Variants in AATK observed in about 807,000 individuals in gnomAD.
The protein encoded by AATK is lemur tail kinase 1.
A neutral mutation model predicts 114.3 loss-of-function variants in AATK; 91 were observed. The observed-to-expected ratio is 0.80, with a 90% CI of 0.67 to 0.95. The LOEUF (loss-of-function observed/expected upper bound fraction) is 0.95. Ranked by LOEUF, AATK falls within the 40% of genes least tolerant of loss-of-function variation. The pLI, the probability that AATK is intolerant of heterozygous loss-of-function variation, is 0.00. For synonymous variants in AATK, 1,075 were observed against 916.5 expected, an observed-to-expected ratio of 1.17 and a Z score of -3.12; for missense variants, 2,176 against 1,965.2, an observed-to-expected ratio of 1.11 and a Z score of -2.03.
chr17:81,165,937 C>A lies in AATK; in HGVS notation c.55+1G>T. 6.3e-7 allele frequency: 1 copy of A among 1,580,212 alleles called. No individual in the cohort carries two copies. Among genetic ancestry groups the A allele is most frequent in the Non-Finnish European group, 8.6e-7 (1 of 1,164,772 alleles). ...CGCAGGCCGGGCCGCCAGGGACTCA[C>A]CGGGGTCGAAGTGCGAGCTGAAGGC... On this transcript the variant is annotated splice_donor_variant, in intron 1 of 13. Transcript: ENST00000326724. LOFTEE classifies it high-confidence loss of function.
intron 1 of AATK, chr17:81,160,439 G>C (rs976865217): frequency 5.9e-6 from 1 of 168,894 alleles, no homozygotes; most frequent in Non-Finnish European, 1.2e-5. Flanking sequence ...AACTGGCTCC[G>C]GCCCCGTCCG....
rs747069731 is a variant in AATK at position 81,126,558 on chromosome 17, C to T, written c.624G>A (p.Gly208=). Residue 208 remains glycine, a splice_region_variant and synonymous_variant, in exon 7 of 14, where the codon GGG becomes GGA. Coordinates refer to ENST00000326724, the MANE Select transcript of AATK (RefSeq NM_001080395.3). The surrounding 1 kb of genome is among the most constrained non-coding windows in gnomAD (Gnocchi z 5.1). The stretch of plus-strand genomic sequence containing the variant: ...AGCTCCGCAGGTAGCCCTTGAGGTC[C>T]CCCTGCAGAAAGGGGGTGTGGCGCA... ...YLLVMEFCPL[G]DLKGYLRSCR... is the part of the protein sequence containing the mutation. 7.1e-6 allele frequency: 11 copies of T among 1,539,780 alleles called. No individual in the cohort carries two copies. Among genetic ancestry groups the T allele is most frequent in the East Asian group, 2.5e-5 (1 of 40,532 alleles).
intron 13 of AATK, 136 bp from the exon 14 acceptor site, chr17:81,118,578 A>G: frequency 1.1e-6 from 1 of 884,616 alleles, no homozygotes; most frequent in South Asian, 1.6e-5. Flanking sequence ...GGCTGTGTCT[A>G]GGTGAGAGAT....
At chr17:81,137,595 C>A (rs9900420) in intron 1 of AATK, among the ~76,000 whole-genome samples, 79,719 of 152,026 alleles carry the variant, frequency 0.52, 22,782 homozygotes, top group East Asian at 0.87. Context: ...AGGCTCTGAC[C>A]CCAGATGCCA....
intron 3 of AATK, among the ~76,000 whole-genome samples, chr17:81,130,214 C>G (rs1157917177): frequency 6.6e-6 from 1 of 152,240 alleles, no homozygotes; most frequent in Admixed American, 6.5e-5. Flanking sequence ...CCTGATACCC[C>G]TCCTGCCTCT....
rs2060834714 is a variant in AATK, at chr17:81,126,794, C to T, written c.622-234G>A. 7.3e-7 allele frequency: 1 copy of T among 1,376,136 alleles called. No homozygotes were observed. Among genetic ancestry groups the T allele is most frequent in the Non-Finnish European group, 9.4e-7 (1 of 1,065,190 alleles). The allele number at this position is 1,376,136 out of a possible 1,614,324, so 85.2% of individuals were successfully genotyped here. A position where few individuals can be genotyped will look rare whatever the true frequency, so the allele number is the denominator to read the frequency against. ...TCCTCTCCACTGCCCCTCAGCCAGC[C>T]CCGGGCAGCAGGAGTCCCTTGGCCT... On this transcript the variant is annotated intron_variant, in intron 6 of 13. Transcript: ENST00000326724. The surrounding 1 kb of genome is among the most constrained non-coding windows in gnomAD (Gnocchi z 5.1).
rs577890591 is a variant in AATK at position 81,128,466 on chromosome 17, G to A, written c.414+4C>T. 102 of 1,548,764 alleles carry A rather than the reference G, an allele frequency of 6.6e-5. 1 individual carries two copies. The highest frequency in any genetic ancestry group is 2.2e-4 in the Middle Eastern group (1 of 4,482). ...GAGTCCTCCCTCCCAGGCGGGACAC[G>A]TACCTTCCCGAACCAGCCACGGCCG... On this transcript the variant is annotated splice_donor_region_variant and intron_variant, in intron 4 of 13. Transcript: ENST00000326724.
At chr17:81,145,462 G>A (rs1452526422) in intron 1 of AATK, among the ~76,000 whole-genome samples, 1 of 152,154 alleles carries the variant, frequency 6.6e-6, no homozygotes, top group Non-Finnish European at 1.5e-5. Flanking sequence ...GCTGGGCACA[G>A]TGGCTCACGC....
At chr17:81,125,399 G>A in intron 7 of AATK, 1 of 519,306 alleles carries the variant, frequency 1.9e-6, no homozygotes, top group Non-Finnish European at 4.0e-6. Flanking sequence ...CCCAGGAGGT[G>A]GGAATTGATG....
chr17:81,128,858 A>G, intron 3 of AATK: 2 of 1,187,064 alleles, frequency 1.7e-6, no homozygotes, highest in Non-Finnish European at 2.1e-6. Context: ...TCGACCCGTC[A>G]CATGGGCTGC....
At position 81,126,729 on chromosome 17, in the gene AATK, G is replaced by C; in HGVS notation, c.622-169C>G. The C allele has an allele frequency of 7.0e-7, 1 of 1,419,098 alleles. No homozygotes were observed. The highest frequency in any genetic ancestry group is 9.2e-7 in the Non-Finnish European group (1 of 1,088,368). 87.9% of individuals were successfully genotyped at this position (1,419,098 alleles called of 1,614,324 possible). ...TGGCCAGCACCCAGCAGTTCCTGGA[G>C]GGGGGCCGTGTCCCCCAGGGCTGGG... is the stretch of plus-strand genomic sequence containing the variant. On this transcript the variant is annotated intron_variant, in intron 6 of 13. Transcript: ENST00000326724. The surrounding 1 kb of genome is among the most constrained non-coding windows in gnomAD (Gnocchi z 5.1).
At chr17:81,143,617 G>A (rs892776466) in intron 1 of AATK, among the ~76,000 whole-genome samples, 2 of 150,958 alleles carry the variant, frequency 1.3e-5, no homozygotes, top group East Asian at 1.9e-4. Context: ...CAGCCTCCTC[G>A]ACCCCTCTGG....
chr17:81,166,103 C>A lies in AATK; in HGVS notation c.-111G>T, dbSNP rs1314041247. The stretch of plus-strand genomic sequence containing the variant: ...GCGGCCGCCGCAGGTGCGGAGCGCG[C>A]CGGCCCCCGCGCCCCGCGCCCCCCG... On this transcript the variant is annotated 5_prime_UTR_variant, in exon 1 of 14. Transcript: ENST00000326724. The A allele has an allele frequency of 1.7e-6, 1 of 577,240 alleles. No individual in the cohort carries two copies. The highest frequency in any genetic ancestry group is 2.1e-5 in the African/African-American group (1 of 48,564). 35.8% of individuals were successfully genotyped at this position (577,240 alleles called of 1,614,324 possible). A position where few individuals can be genotyped will look rare whatever the true frequency, so the allele number is the denominator to read the frequency against.
intron 1 of AATK, among the ~76,000 whole-genome samples, chr17:81,143,082 G>A (rs1477788570): frequency 3.3e-5 from 5 of 152,342 alleles, no homozygotes; most frequent in Non-Finnish European, 5.9e-5. Flanking sequence ...GCTGCCGTCC[G>A]CAGCGTTGCC....
In AATK at chr17:81,118,242, T is replaced by G; in HGVS notation, c.*160A>C. ...CCGATCTACCATCCAGGGCCTCTCATCCCACGGGCTTCTCCAGGACACCGC... is the reference window on the plus strand; with the variant it reads ...CCGATCTACCATCCAGGGCCTCTCAGCCCACGGGCTTCTCCAGGACACCGC... On this transcript the variant is annotated 3_prime_UTR_variant, in exon 14 of 14. Transcript: ENST00000326724. The G allele has an allele frequency of 1.5e-6, 1 of 676,194 alleles. No individual in the cohort carries two copies. The highest frequency in any genetic ancestry group is 2.5e-6 in the Non-Finnish European group (1 of 396,890). 41.9% of individuals were successfully genotyped at this position (676,194 alleles called of 1,614,324 possible).
rs2060978415 is a variant in AATK, at chr17:81,134,276, G to A, written c.189+92C>T. The A allele has an allele frequency of 5.4e-5, 82 of 1,519,878 alleles. No individual in the cohort carries two copies. The South Asian group carries it at 1.0e-3, about 18-fold the overall frequency. The allele number at this position is 1,519,878 out of a possible 1,614,324, so 94.1% of individuals were successfully genotyped here. A position where few individuals can be genotyped will look rare whatever the true frequency, so the allele number is the denominator to read the frequency against. On this transcript the variant is annotated intron_variant, in intron 2 of 13. Coordinates refer to ENST00000326724, the MANE Select transcript of AATK (RefSeq NM_001080395.3). ...CGGCCACCCAGCAGCCACCTTGATG[G>A]CCCCAGGAAGGAGGGAAGCTCAGGG... is the stretch of plus-strand genomic sequence containing the variant.
intron 12 of AATK, 23 bp downstream of exon 12, chr17:81,119,911 CGG>C (rs1329795980): frequency 7.1e-7 from 1 of 1,415,542 alleles, no homozygotes; most frequent in Non-Finnish European, 9.2e-7. Context: ...CGTGACGTCA[CGG>C]GCCCAGCCCC....
At chr17:81,135,068 A>T (rs888802397) in intron 1 of AATK, among the ~76,000 whole-genome samples, 6 of 151,976 alleles carry the variant, frequency 3.9e-5, no homozygotes, top group Non-Finnish European at 7.4e-5. Context: ...GCTGCCTCGA[A>T]TCCGTCCCCT....
rs2060981886 is a variant in AATK, at chr17:81,134,520, G to C, written c.56-19C>G. ...GCGCCGTCTGCGGGAGAGCAGTGTG[G>C]TGAGAGTGGCCATGGCTGAGGGCCG... On this transcript the variant is annotated intron_variant, in intron 1 of 13. Coordinates refer to ENST00000326724, the MANE Select transcript of AATK (RefSeq NM_001080395.3). 3.1e-6 allele frequency: 5 copies of C among 1,606,284 alleles called. No homozygotes were observed. The highest frequency in any genetic ancestry group is 1.1e-5 in the South Asian group (1 of 89,856).
Sources: gnomAD v4.1 joint callset for allele counts (sites outside exome capture counted in the v4.1 genomes callset) on GRCh38, gnomAD v4.1.1 for gene constraint, Gnocchi (gnomAD v3.1) non-coding constraint, MANE v1.5 for transcripts, NCBI Gene and HGNC (gene_info 2026-07-23, HGNC 2026-07-21) for gene names.